GFER: variants seen among roughly 807,000 people sequenced by gnomAD.
The protein encoded by GFER is FAD-linked sulfhydryl oxidase ALR.
Under a neutral mutation model 18.2 loss-of-function variants are expected in GFER, and 24 were observed. The ratio of observed to expected loss-of-function variants is 1.32; its 90% confidence interval spans 0.96 to 1.86. GFER has a LOEUF of 1.86. Among genes scored for constraint, GFER ranks in the 40% most tolerant of loss-of-function variants. The pLI is 0.00. For missense variants in GFER, 316 were observed against 295.6 expected (o/e 1.07, Z -0.51); for synonymous variants, 138 against 126.9 (o/e 1.09, Z -0.59).
chr16:1,985,773 C>T (rs1236718678), intron 2 of GFER, 93 bp from the exon 3 acceptor site: 39 of 1,171,482 alleles, frequency 3.3e-5, no homozygotes, highest in Admixed American at 5.0e-5. Context: ...CACAGCAGTG[C>T]CCCAGCTCTC....
Position 1,984,430 on chromosome 16 carries a change from G to T in GFER, c.212G>T (p.Cys71Phe), listed in dbSNP as rs2083550547. The change falls in exon 1 of 3, where the codon TGC (cysteine) becomes TTC (phenylalanine). Residue 71 changes from cysteine (C) to phenylalanine (F), a missense_variant. Transcript: ENST00000248114. The part of the protein sequence containing the change: ...VAEDASRRRP[C>F]RACVDFKTWM... ...GAGGACGCCTCCCGGAGGCGGCCGT[G>T]CCGGGCCTGCGTCGACTTCAAGACG... 1 of 1,547,668 alleles carries T rather than the reference G, an allele frequency of 6.5e-7. No individual in the cohort carries two copies. Among genetic ancestry groups the T allele is most frequent in the East Asian group, 2.4e-5 (1 of 41,398 alleles).
chr16:1,985,336 G>C (rs1480919485), intron 2 of GFER, among the ~76,000 whole-genome samples: 1 of 152,240 alleles, frequency 6.6e-6, no homozygotes, highest in Non-Finnish European at 1.5e-5. Context: ...CTCACTGAGG[G>C]ATCCAAGAGC....
At chr16:1,984,970 C>G (rs770384334) in intron 2 of GFER, 27 bp downstream of exon 2, 1 of 1,551,952 alleles carries the variant, frequency 6.4e-7, no homozygotes, top group South Asian at 1.1e-5. Context: ...CGCAGCAGAG[C>G]TTTGCACTGG....
rs2083575025 is a variant in GFER, at chr16:1,987,721, C to G, written c.*1693C>G. 6.7e-6 allele frequency: 1 copy of G among 149,988 alleles called. No individual in the cohort carries two copies. The highest frequency in any genetic ancestry group is 2.4e-5 in the African/African-American group (1 of 40,906). 9.3% of individuals were successfully genotyped at this position (149,988 alleles called of 1,614,324 possible). Reference sequence around the variant, plus strand: ...TCCCTGTCTTCCTTAAAGTTTCACTCCTGAATAAAACTTCACTTTGCCTTA... The same window carrying G: ...TCCCTGTCTTCCTTAAAGTTTCACTGCTGAATAAAACTTCACTTTGCCTTA... On this transcript the variant is annotated 3_prime_UTR_variant, in exon 3 of 3. Transcript: ENST00000248114.
At chr16:1,984,541 C>T (rs2083551880) in intron 1 of GFER, 65 bp downstream of exon 1, 5 of 1,512,910 alleles carry the variant, frequency 3.3e-6, no homozygotes, top group Non-Finnish European at 4.4e-6. Context: ...CGCCCAGGTA[C>T]CCCGGCAGAG....
Position 1,984,809 on chromosome 16 carries a change from G to A in GFER, c.321G>A (p.Trp107Ter). Residue 107 changes from tryptophan (W) to a stop codon, truncating the protein, a stop_gained, in exon 2 of 3, where the codon TGG becomes TGA. Coordinates refer to ENST00000248114, the MANE Select transcript of GFER (RefSeq NM_005262.3). LOFTEE classifies it high-confidence loss of function. ...GCGAGGAACTGGGCCGCCACAGCTG[G>A]GCTGTCCTCCACACCCTGGCCGCCT... ...PDREELGRHS[W>*]AVLHTLAAYY... The A allele has an allele frequency of 6.2e-7, 1 of 1,613,172 alleles. No homozygotes were observed. Among genetic ancestry groups the A allele is most frequent in the Non-Finnish European group, 8.5e-7 (1 of 1,179,976 alleles).
At position 1,986,189 on chromosome 16, in the gene GFER, G is replaced by A; in HGVS notation, c.*161G>A. 1.3e-6 allele frequency: 1 copy of A among 760,046 alleles called. No individual in the cohort carries two copies. The highest frequency in any genetic ancestry group is 2.2e-6 in the Non-Finnish European group (1 of 445,942). 47.1% of individuals were successfully genotyped at this position (760,046 alleles called of 1,614,324 possible). A position where few individuals can be genotyped will look rare whatever the true frequency, so the allele number is the denominator to read the frequency against. ...CTGCCCTGCCCCTCTTAGGTTTGGA[G>A]CAGAAGTGGAGGTGCCCACAGCAGG... On this transcript the variant is annotated 3_prime_UTR_variant, in exon 3 of 3. Transcript: ENST00000248114.
intron 2 of GFER, 100 bp downstream of exon 2, chr16:1,985,043 G>A (rs991504262): frequency 2.3e-5 from 22 of 951,698 alleles, no homozygotes; most frequent in East Asian, 7.4e-5. Flanking sequence ...GGATGCAGAG[G>A]TGGCAGAAGT....
At chr16:1,985,732 T>C in intron 2 of GFER, 134 bp from the exon 3 acceptor site, 1 of 860,158 alleles carries the variant, frequency 1.2e-6, no homozygotes. Flanking sequence ...TGCCTGTACC[T>C]TGGAGCATAA....
In GFER at chr16:1,986,420, C is replaced by T. The variant is rs943608528; in HGVS notation, c.*392C>T. ...CCTGTCCCTGGCGGCCAGGCCATTG[C>T]CTTCCCACTATGCAGCCAGGGATGC... On this transcript the variant is annotated 3_prime_UTR_variant, in exon 3 of 3. Coordinates refer to ENST00000248114, the MANE Select transcript of GFER (RefSeq NM_005262.3). The T allele has an allele frequency of 2.0e-5, 7 of 354,988 alleles. No individual in the cohort carries two copies. Among genetic ancestry groups the T allele is most frequent in the South Asian group, 1.1e-4 (5 of 45,870 alleles). The allele number at this position is 354,988 out of a possible 1,614,324, so 22.0% of individuals were successfully genotyped here.
Position 1,984,775 on chromosome 16 carries a change from C to A in GFER, c.287C>A (p.Pro96Gln). 6.2e-7 allele frequency: 1 copy of A among 1,611,260 alleles called. No individual in the cohort carries two copies. The highest frequency in any genetic ancestry group is 1.1e-5 in the South Asian group (1 of 91,086). ...GACACCAAGTTTAGGGAGGACTGCCCGCCGGATCGCGAGGAACTGGGCCGC... is the reference window on the plus strand; with the variant it reads ...GACACCAAGTTTAGGGAGGACTGCCAGCCGGATCGCGAGGAACTGGGCCGC... ...KRDTKFREDC[P>Q]PDREELGRHS... Residue 96 changes from proline to glutamine, a missense_variant, in exon 2 of 3, where the codon CCG (proline) becomes CAG (glutamine). Physicochemically the swap from Pro to Gln is moderately conservative, Grantham distance 76. Coordinates refer to ENST00000248114, the MANE Select transcript of GFER (RefSeq NM_005262.3).
chr16:1,987,049 C>T lies in GFER; in HGVS notation c.*1021C>T, dbSNP rs2083570746. The T allele has an allele frequency of 6.6e-6, 1 of 151,972 alleles. No homozygotes were observed. Among genetic ancestry groups the T allele is most frequent in the Admixed American group, 6.6e-5 (1 of 15,228 alleles). 9.4% of individuals were successfully genotyped at this position (151,972 alleles called of 1,614,324 possible). On this transcript the variant is annotated 3_prime_UTR_variant, in exon 3 of 3. Coordinates refer to ENST00000248114, the MANE Select transcript of GFER (RefSeq NM_005262.3). ...TGGGATGAGGCAGGTAAGGGTGGAA[C>T]AGGAGGGGTGGGGAGGAAGCCGGGG... is the stretch of plus-strand genomic sequence containing the variant.
In GFER at chr16:1,986,882, G is replaced by GCC. The variant is rs1399591900; in HGVS notation, c.*855_*856dup. 6.6e-6 allele frequency: 1 copy of GCC among 152,496 alleles called. No individual in the cohort carries two copies. The highest frequency in any genetic ancestry group is 1.5e-5 in the Non-Finnish European group (1 of 68,350). 9.4% of individuals were successfully genotyped at this position (152,496 alleles called of 1,614,324 possible). ...GTAGCTGATGTAGGAGTACTGGGAG[G>GCC]CCAGACGGCACGAGGTCTCCAAGGC... is the stretch of plus-strand genomic sequence containing the variant. On this transcript the variant is annotated 3_prime_UTR_variant, in exon 3 of 3. Coordinates refer to ENST00000248114, the MANE Select transcript of GFER (RefSeq NM_005262.3).
Position 1,984,872 on chromosome 16 carries a change from C to T in GFER, c.384C>T (p.Asp128=). ...PDLPTPEQQQ[D]MAQFIHLFSK... ...TGCCCACCCCAGAACAGCAGCAAGA[C>T]ATGGCCCAGTTCATACATTTATTTT... Residue 128 remains aspartate, a synonymous_variant, in exon 2 of 3, where the codon GAC becomes GAT. Transcript: ENST00000248114. 1.2e-6 allele frequency: 2 copies of T among 1,613,822 alleles called. No individual in the cohort carries two copies. The highest frequency in any genetic ancestry group is 1.1e-5 in the South Asian group (1 of 91,092).
intron 2 of GFER, 136 bp from the exon 3 acceptor site, chr16:1,985,730 C>A (rs556266225): frequency 2.4e-6 from 2 of 850,010 alleles, no homozygotes; most frequent in Non-Finnish European, 4.0e-6. Flanking sequence ...AGTGCCTGTA[C>A]CTTGGAGCAT....
chr16:1,985,079 A>C, intron 2 of GFER, 136 bp downstream of exon 2: 1 of 729,904 alleles, frequency 1.4e-6, no homozygotes, highest in Non-Finnish European at 2.4e-6. Flanking sequence ...GACCTCCAAC[A>C]GGTGAGGACT....
intron 2 of GFER, among the ~76,000 whole-genome samples, chr16:1,985,185 A>G (rs1271545301): frequency 1.3e-5 from 2 of 152,250 alleles, no homozygotes; most frequent in Non-Finnish European, 2.9e-5. Flanking sequence ...GCTTCCAGGA[A>G]GGGATTCCCT....
Position 1,984,737 on chromosome 16 carries a change from G to C in GFER, c.259-10G>C. ...GAATGAACTCACTCTCGGTCGGCCTGCTTCCGCAGCGGGACACCAAGTTTA... is the reference window on the plus strand; with the variant it reads ...GAATGAACTCACTCTCGGTCGGCCTCCTTCCGCAGCGGGACACCAAGTTTA... On this transcript the variant is annotated splice_polypyrimidine_tract_variant and intron_variant, in intron 1 of 2. Transcript: ENST00000248114. 6.2e-7 allele frequency: 1 copy of C among 1,604,974 alleles called. No individual in the cohort carries two copies. Among genetic ancestry groups the C allele is most frequent in the Non-Finnish European group, 8.5e-7 (1 of 1,179,150 alleles).
At position 1,986,147 on chromosome 16, in the gene GFER, A is replaced by G. The variant is rs978008484; in HGVS notation, c.*119A>G. 2 of 1,088,298 alleles carry G rather than the reference A, an allele frequency of 1.8e-6. No individual in the cohort carries two copies. The highest frequency in any genetic ancestry group is 3.7e-5 in the Admixed American group (2 of 54,174). 67.4% of individuals were successfully genotyped at this position (1,088,298 alleles called of 1,614,324 possible). A position where few individuals can be genotyped will look rare whatever the true frequency, so the allele number is the denominator to read the frequency against. On this transcript the variant is annotated 3_prime_UTR_variant, in exon 3 of 3. Coordinates refer to ENST00000248114, the MANE Select transcript of GFER (RefSeq NM_005262.3). ...GTGTCTCAGTTGGGTGGTCCCCAGG[A>G]CACTGCCTGTGGGGACCTGCCCTGC... is the stretch of plus-strand genomic sequence containing the variant.
Sources: gnomAD v4.1 joint callset for allele counts (sites outside exome capture counted in the v4.1 genomes callset) on GRCh38, gnomAD v4.1.1 for gene constraint, MANE v1.5 for transcripts, NCBI Gene and HGNC (gene_info 2026-07-23, HGNC 2026-07-21) for gene names.